Variants in ALAS1 observed in about 807,000 individuals in gnomAD.
ALAS1 encodes the protein 5'-aminolevulinate synthase 1.
ALAS1 carries 29 observed loss-of-function variants against 59.6 expected under a neutral mutation model. The ratio of observed to expected loss-of-function variants is 0.49; its 90% CI spans 0.36 to 0.66. The LOEUF (loss-of-function observed/expected upper bound fraction) is 0.66. ALAS1 is among the 30% of genes least tolerant of loss of function. ALAS1 has a pLI of 0.00. For synonymous variants in ALAS1, 299 were observed against 296.6 expected, an observed-to-expected ratio of 1.01 and a Z score of -0.08; for missense variants, 690 against 807.5, an observed-to-expected ratio of 0.85 and a Z score of 1.76.
chr3:52,206,888 G>T (rs1699302582), intron 8 of ALAS1, 137 bp downstream of exon 8: 9 of 929,304 alleles, frequency 9.7e-6, no homozygotes, highest in Non-Finnish European at 1.4e-5. Flanking sequence ...AGGCAGGAGT[G>T]CAGTGGTGCG....
At chr3:52,203,105 G>A (rs779670385) in intron 4 of ALAS1, among the ~76,000 whole-genome samples, 13 of 152,192 alleles carry the variant, frequency 8.5e-5, no homozygotes, top group East Asian at 3.8e-4. Flanking sequence ...CTCCCAAGCC[G>A]TGTGTCTTAC....
intron 10 of ALAS1, 68 bp from the exon 11 acceptor site, chr3:52,212,190 C>T (rs770990331): frequency 2.1e-5 from 30 of 1,449,300 alleles, no homozygotes; most frequent in Non-Finnish European, 2.5e-5. Context: ...GGACTGCGTT[C>T]GTTAGGATCT....
intron 2 of ALAS1, 99 bp downstream of exon 2, chr3:52,198,947 AT>A: frequency 7.4e-7 from 1 of 1,344,986 alleles, no homozygotes; most frequent in Non-Finnish European, 1.0e-6. Flanking sequence ...CGCCCCCTTG[AT>A]TATGTACTGT....
In ALAS1 at chr3:52,214,209, C is replaced by T; in HGVS notation, c.*29C>T. The T allele has an allele frequency of 6.4e-7, 1 of 1,564,314 alleles. No homozygotes were observed. The highest frequency in any genetic ancestry group is 8.8e-7 in the Non-Finnish European group (1 of 1,142,282). On this transcript the variant is annotated 3_prime_UTR_variant, in exon 12 of 12. Transcript: ENST00000484952. ...TGACCTCAATTATTTCACTTAACCC[C>T]AGGCCATTATCATATCCAGATGGTC...
At position 52,204,005 on chromosome 3, in the gene ALAS1, G is replaced by T. The variant is rs1029427336; in HGVS notation, c.570G>T (p.Leu190Phe). The part of the protein sequence containing the change: ...ERVSHLLQDN[L>F]PKSVSTFQYD... ...TGTCTCATCTTCTTCAAGATAACTTGCCAAAATGTAAGTCTCATTGTTATT... is the reference window on the plus strand; with the variant it reads ...TGTCTCATCTTCTTCAAGATAACTTTCCAAAATGTAAGTCTCATTGTTATT... Residue 190 changes from leucine to phenylalanine, a missense_variant, in exon 5 of 12, where the codon TTG becomes TTT. By Grantham distance (22) the Leu-to-Phe change is conservative. Coordinates refer to ENST00000484952, the MANE Select transcript of ALAS1 (RefSeq NM_000688.6). 2 of 1,603,734 alleles carry T rather than the reference G, an allele frequency of 1.2e-6. No homozygotes were observed. Among genetic ancestry groups the T allele is most frequent in the Non-Finnish European group, 1.7e-6 (2 of 1,175,470 alleles).
At chr3:52,202,968 A>G (rs1699218436) in intron 4 of ALAS1, among the ~76,000 whole-genome samples, 3 of 152,110 alleles carry the variant, frequency 2.0e-5, no homozygotes. Context: ...TTACTACTTA[A>G]TTTCTGAAAA....
chr3:52,207,218 T>C (rs557629162), intron 8 of ALAS1, among the ~76,000 whole-genome samples: 23 of 152,140 alleles, frequency 1.5e-4, no homozygotes, highest in South Asian at 6.2e-4. Context: ...TTAGCTAGGA[T>C]GGTCTCGATC....
At chr3:52,212,584 T>G in intron 11 of ALAS1, 164 bp downstream of exon 11, 1 of 846,354 alleles carries the variant, frequency 1.2e-6, no homozygotes, top group Non-Finnish European at 1.9e-6. Context: ...CAGGCTGGAG[T>G]ACAATGGCAC....
In ALAS1 at chr3:52,212,292, A is replaced by G; in HGVS notation, c.1634A>G (p.Asp545Gly). ...GCTGCTAAAAACACAGAAGTCTGTG[A>G]TGAACTAATGAGCAGACATAACATC... ...ADAAKNTEVC[D>G]ELMSRHNIYV... is the part of the protein sequence containing the mutation. The change falls in exon 11 of 12, where the codon GAT becomes GGT. Residue 545 changes from aspartate (D) to glycine (G), a missense_variant. By Grantham distance (94) the Asp-to-Gly change is moderately conservative. Coordinates refer to ENST00000484952, the MANE Select transcript of ALAS1 (RefSeq NM_000688.6). 1 of 1,614,072 alleles carries G rather than the reference A, an allele frequency of 6.2e-7. No individual in the cohort carries two copies. The highest frequency in any genetic ancestry group is 8.5e-7 in the Non-Finnish European group (1 of 1,180,000).
chr3:52,199,409 A>T lies in ALAS1; in HGVS notation c.168A>T (p.Gln56His). 1 of 1,614,178 alleles carries T rather than the reference A, an allele frequency of 6.2e-7. No individual in the cohort carries two copies. The highest frequency in any genetic ancestry group is 1.1e-5 in the South Asian group (1 of 91,090). The stretch of plus-strand genomic sequence containing the variant: ...TGTCCACTGCAGCAGTACACTACCA[A>T]CAGATCAAAGAAACCCCTCCGGCCA... ...RALSTAAVHY[Q>H]QIKETPPASE... The change falls in exon 3 of 12, where the codon CAA (glutamine) becomes CAT (histidine). Residue 56 changes from glutamine to histidine, a missense_variant. By Grantham distance (24) the Gln-to-His change is conservative. Coordinates refer to ENST00000484952, the MANE Select transcript of ALAS1 (RefSeq NM_000688.6).
At position 52,199,450 on chromosome 3, in the gene ALAS1, A is replaced by G. The variant is rs1276133262; in HGVS notation, c.199+10A>G. Reference sequence around the variant, plus strand: ...CCTCCGGCCAGTGAGAGTAAGTGTCATTGACAATGAAGGAGCAGGTATGGG... The same window carrying G: ...CCTCCGGCCAGTGAGAGTAAGTGTCGTTGACAATGAAGGAGCAGGTATGGG... On this transcript the variant is annotated intron_variant, in intron 3 of 11. Transcript: ENST00000484952. The G allele has an allele frequency of 5.0e-6, 8 of 1,611,112 alleles. No individual in the cohort carries two copies. In the South Asian group the frequency reaches 8.8e-5, roughly 18 times the overall value.
chr3:52,211,376 C>G lies in ALAS1; in HGVS notation c.1424C>G (p.Thr475Ser). The change falls in exon 10 of 12, where the codon ACC becomes AGC. Residue 475 changes from threonine (T) to serine (S), a missense_variant. Thr to Ser is a moderately conservative substitution (Grantham distance 58). Transcript: ENST00000484952. Reference sequence around the variant, plus strand: ...TATGCTGCTGGCTTCATCTTCACCACCTCTCTGCCACCCATGCTGCTGGCT... The same window carrying G: ...TATGCTGCTGGCTTCATCTTCACCAGCTCTCTGCCACCCATGCTGCTGGCT... ...RSYAAGFIFTTSLPPMLLAGA... is the reference protein window; with the variant it reads ...RSYAAGFIFTSSLPPMLLAGA... 1 of 1,614,206 alleles carries G rather than the reference C, an allele frequency of 6.2e-7. No homozygotes were observed. Among genetic ancestry groups the G allele is most frequent in the East Asian group, 2.2e-5 (1 of 44,886 alleles).
At chr3:52,198,314 G>C in intron 1 of ALAS1, 59 bp downstream of exon 1, 1 of 406,332 alleles carries the variant, frequency 2.5e-6, no homozygotes, top group Non-Finnish European at 4.3e-6. Context: ...TGTCCTGCCA[G>C]CCGTGGCACC....
At chr3:52,211,181 T>C (rs994430717) in intron 9 of ALAS1, 102 bp from the exon 10 acceptor site, 1 of 1,336,568 alleles carries the variant, frequency 7.5e-7, no homozygotes, top group Non-Finnish European at 1.0e-6. Context: ...ATTAAAAAGA[T>C]AAGGAGAAAA....
chr3:52,212,536 A>AT, intron 11 of ALAS1, 116 bp downstream of exon 11: 3 of 1,383,526 alleles, frequency 2.2e-6, no homozygotes, highest in Non-Finnish European at 3.0e-6. Flanking sequence ...TTCTTTTTTT[A>AT]GTTTTTTTTT....
At chr3:52,207,948 T>C (rs113136925) in intron 8 of ALAS1, 135 bp from the exon 9 acceptor site, 2 of 989,186 alleles carry the variant, frequency 2.0e-6, no homozygotes, top group Non-Finnish European at 1.4e-6. Flanking sequence ...ACCTAGAAAT[T>C]AGAGGAAGTT....
chr3:52,198,617 G>A (rs544378400), intron 1 of ALAS1, 55 bp from the exon 2 acceptor site: 1 of 613,178 alleles, frequency 1.6e-6, no homozygotes, highest in South Asian at 1.9e-5. Flanking sequence ...CCCCAGTGAG[G>A]CCCAAGGCGC....
At chr3:52,207,427 C>T (rs1275483113) in intron 8 of ALAS1, among the ~76,000 whole-genome samples, 2 of 152,122 alleles carry the variant, frequency 1.3e-5, no homozygotes, top group East Asian at 1.9e-4. Context: ...TGAGCCACCG[C>T]GCCTGGCCTG....
At chr3:52,208,336 A>G (rs1699337050) in intron 9 of ALAS1, 89 bp downstream of exon 9, 1 of 1,417,666 alleles carries the variant, frequency 7.1e-7, no homozygotes, top group South Asian at 1.3e-5. Flanking sequence ...AGGTGAGGAG[A>G]CAGCCTGACA....
Sources: gnomAD v4.1 joint callset for allele counts (sites outside exome capture counted in the v4.1 genomes callset) on GRCh38, gnomAD v4.1.1 for gene constraint, MANE v1.5 for transcripts, NCBI Gene and HGNC (gene_info 2026-07-23, HGNC 2026-07-21) for gene names.